MYO1B: variants seen among roughly 807,000 people sequenced by gnomAD.
MYO1B encodes myosin IB, also known as unconventional myosin-Ib.
Under a neutral mutation model 159.7 loss-of-function variants are expected in MYO1B, and 72 were observed. The ratio of observed to expected loss-of-function variants is 0.45; its 90% CI spans 0.37 to 0.55. The LOEUF (loss-of-function observed/expected upper bound fraction) is 0.55. Ranked by LOEUF, MYO1B falls within the 20% of genes least tolerant of loss-of-function variation. The probability of loss-of-function intolerance (pLI) is 0.00; values close to 1 mark genes in which losing one functional copy is unlikely to be tolerated. For missense variants in MYO1B, 1,062 were observed against 1,364.8 expected (o/e 0.78, Z 3.50); for synonymous variants, 468 against 473.8 (o/e 0.99, Z 0.16).
chr2:191,250,676 G>C (rs770365169), intron 1 of MYO1B, among the ~76,000 whole-genome samples: 1 of 152,174 alleles, frequency 6.6e-6, no homozygotes, highest in Non-Finnish European at 1.5e-5. Context: ...CTCATGCTGG[G>C]TACTTTCTGT....
chr2:191,245,683 G>GC (rs1169328381), intron 1 of MYO1B, 57 bp downstream of exon 1: 3 of 152,202 alleles, frequency 2.0e-5, no homozygotes, highest in African/African-American at 7.2e-5. Context: ...TCCGTCGTCG[G>GC]CCCCCGAGGC....
At chr2:191,382,426 C>A (rs1695096831) in intron 14 of MYO1B, among the ~76,000 whole-genome samples, 1 of 152,124 alleles carries the variant, frequency 6.6e-6, no homozygotes, top group Non-Finnish European at 1.5e-5. Flanking sequence ...TTAGAGTACT[C>A]ATTATGCTTC....
chr2:191,417,420 A>G (rs1478815227), intron 30 of MYO1B, among the ~76,000 whole-genome samples: 7 of 152,260 alleles, frequency 4.6e-5, no homozygotes, highest in African/African-American at 1.4e-4. Context: ...GTTAGGGCCT[A>G]TTAGAGCTTT....
At chr2:191,422,417 G>A (rs1245828257) in intron 30 of MYO1B, among the ~76,000 whole-genome samples, 1 of 152,098 alleles carries the variant, frequency 6.6e-6, no homozygotes, top group East Asian at 1.9e-4. Flanking sequence ...ACCCTCTGTG[G>A]ATGCTCAATT....
In MYO1B at chr2:191,323,758, C is replaced by T. The variant is rs1574427100; in HGVS notation, c.252-6177C>T. 3.3e-5 allele frequency among the ~76,000 whole-genome samples: 5 copies of T among 152,070 alleles called. No individual in the cohort carries two copies. The South Asian group carries it at 1.0e-3, about 32-fold the overall frequency. ...GTCATTCTAAAACAGATGTCATCTT[C>T]AAATGACTTATCTTGATGATATTAT... is the stretch of plus-strand genomic sequence containing the variant. On this transcript the variant is annotated intron_variant, in intron 3 of 30. Coordinates refer to ENST00000392318, the MANE Select transcript of MYO1B (RefSeq NM_001130158.3).
chr2:191,291,493 T>A (rs1404105275), intron 2 of MYO1B, among the ~76,000 whole-genome samples: 5 of 152,284 alleles, frequency 3.3e-5, no homozygotes, highest in Middle Eastern at 3.4e-3. Flanking sequence ...CTCCCACATC[T>A]CTTTCCTTTC....
Position 191,387,301 on chromosome 2 carries a change from G to A in MYO1B, c.1632G>A (p.Lys544=), listed in dbSNP as rs145708278. 35 of 1,614,048 alleles carry A rather than the reference G, an allele frequency of 2.2e-5. No individual in the cohort carries two copies. The South Asian group carries it at 2.9e-4, about 13-fold the overall frequency. The change falls in exon 17 of 31, where the codon AAG becomes AAA. Residue 544 remains lysine (K), a synonymous_variant. Coordinates refer to ENST00000392318, the MANE Select transcript of MYO1B (RefSeq NM_001130158.3). ...LYRDLSQAMW[K]ASHALIKSLF... is the part of the protein sequence containing the mutation. The stretch of plus-strand genomic sequence containing the variant: ...GAGACCTGTCCCAAGCCATGTGGAA[G>A]GCCAGCCATGCCCTCATCAAGTCTT...
intron 1 of MYO1B, among the ~76,000 whole-genome samples, chr2:191,260,490 CAA>C (rs1686746309): frequency 6.6e-6 from 1 of 151,644 alleles, no homozygotes; most frequent in Non-Finnish European, 1.5e-5. Context: ...TGAAATATAT[CAA>C]TATCATTTTT....
intron 11 of MYO1B, among the ~76,000 whole-genome samples, chr2:191,367,637 T>C (rs945231084): frequency 6.6e-6 from 1 of 152,218 alleles, no homozygotes; most frequent in Non-Finnish European, 1.5e-5. Flanking sequence ...TAGTGGCTTG[T>C]TGAAAGTAGA....
intron 28 of MYO1B, 128 bp downstream of exon 28, chr2:191,414,308 C>T: frequency 8.0e-7 from 1 of 1,243,912 alleles, no homozygotes; most frequent in South Asian, 1.7e-5. Context: ...GCTATTTCCC[C>T]TTACCTTTAA....
chr2:191,302,946 A>G (rs1336179271), intron 3 of MYO1B, among the ~76,000 whole-genome samples: 1 of 152,232 alleles, frequency 6.6e-6, no homozygotes, highest in Admixed American at 6.5e-5. Context: ...CTTTTGGGCC[A>G]GACTGGTTTT....
intron 3 of MYO1B, among the ~76,000 whole-genome samples, chr2:191,328,455 C>T (rs964879748): frequency 6.6e-6 from 1 of 152,162 alleles, no homozygotes; most frequent in Non-Finnish European, 1.5e-5. Context: ...CAGTCGCAGG[C>T]GTTAGCTCTG....
intron 3 of MYO1B, among the ~76,000 whole-genome samples, chr2:191,327,913 C>T (rs1316382669): frequency 6.6e-6 from 1 of 152,198 alleles, no homozygotes; most frequent in African/African-American, 2.4e-5. Flanking sequence ...AGGCAGCAGA[C>T]TCACTGATAT....
At chr2:191,390,615 G>A in intron 18 of MYO1B, 123 bp downstream of exon 18, 2 of 1,137,490 alleles carry the variant, frequency 1.8e-6, no homozygotes, top group Non-Finnish European at 2.4e-6. Flanking sequence ...CCTCTGTTTT[G>A]GACCTTCTTC....
chr2:191,391,103 A>G (rs1177409610), intron 18 of MYO1B, among the ~76,000 whole-genome samples: 1 of 152,182 alleles, frequency 6.6e-6, no homozygotes, highest in Non-Finnish European at 1.5e-5. Context: ...TGAGCTCTCC[A>G]CAGGCAGAGA....
At chr2:191,341,141 A>C (rs921759896) in intron 4 of MYO1B, among the ~76,000 whole-genome samples, 1 of 152,174 alleles carries the variant, frequency 6.6e-6, no homozygotes, top group Non-Finnish European at 1.5e-5. Flanking sequence ...GTGGCTTATC[A>C]GTATATAATA....
chr2:191,360,768 GT>G (rs1246173537), intron 8 of MYO1B, 39 bp downstream of exon 8: 1 of 1,297,640 alleles, frequency 7.7e-7, no homozygotes, highest in African/African-American at 1.5e-5. Context: ...TGTTGTTGTT[GT>G]TGTTGTTGTT....
At chr2:191,393,254 A>G (rs1469877510) in intron 20 of MYO1B, 32 bp downstream of exon 20, 1 of 1,606,930 alleles carries the variant, frequency 6.2e-7, no homozygotes, top group African/African-American at 1.3e-5. Context: ...AATCAGTAAT[A>G]ACAATGCTAA....
At chr2:191,368,866 C>T (rs560238406) in intron 11 of MYO1B, among the ~76,000 whole-genome samples, 1 of 151,970 alleles carries the variant, frequency 6.6e-6, no homozygotes, top group Admixed American at 6.6e-5. Context: ...CCCAGTCACT[C>T]GGGAGGCTGA....
Sources: allele counts gnomAD v4.1 joint callset (sites outside exome capture counted in the v4.1 genomes callset), GRCh38; gene constraint gnomAD v4.1.1; transcripts MANE v1.5; gene names NCBI Gene and HGNC (gene_info 2026-07-23, HGNC 2026-07-21).